The following FYB1 variants were observed in gnomAD, a reference collection of about 807,000 sequenced individuals.
FYB1 encodes FYN binding protein 1, also known as FYN-binding protein 1.
FYB1 carries 41 observed loss-of-function variants against 94.1 expected under a neutral mutation model. The ratio of observed to expected loss-of-function variants is 0.44; its 90% CI spans 0.34 to 0.57. FYB1 has a LOEUF of 0.57. Ranked by LOEUF, FYB1 falls within the 20% of genes least tolerant of loss-of-function variation. The probability of loss-of-function intolerance (pLI) is 0.02; values close to 1 mark genes in which losing one functional copy is unlikely to be tolerated. For missense variants in FYB1, 1,050 were observed against 976.8 expected, an observed-to-expected ratio of 1.07 and a Z score of -1.00; for synonymous variants, 367 against 353.2, an observed-to-expected ratio of 1.04 and a Z score of -0.44.
rs118129410 is a variant in FYB1 at position 39,112,837 on chromosome 5, T to C, written c.2402-2448A>G. On this transcript the variant is annotated intron_variant, in intron 16 of 18. Transcript: ENST00000512982. ...AGAGTTCTAAGGAACAGCCTTCTCC[T>C]GTGTTGAACACTTTGTTGCTGTTGT... Among the ~76,000 whole-genome samples the C allele has an allele frequency of 1.8e-4, 27 of 152,230 alleles. No individual in the cohort carries two copies. The East Asian group carries it at 4.2e-3, about 24-fold the overall frequency.
chr5:39,183,673 C>T (rs1367638322), intron 2 of FYB1, among the ~76,000 whole-genome samples: 1 of 152,196 alleles, frequency 6.6e-6, no homozygotes, highest in Non-Finnish European at 1.5e-5. Flanking sequence ...GTTTCTATAA[C>T]AACTCAAAAC....
At chr5:39,148,932 T>C (rs543219495) in intron 3 of FYB1, among the ~76,000 whole-genome samples, 14 of 152,108 alleles carry the variant, frequency 9.2e-5, no homozygotes, top group Non-Finnish European at 1.5e-5. Context: ...ATATGAAAAA[T>C]TATGATGTTA....
At chr5:39,123,879 G>A (rs1445733088) in intron 13 of FYB1, among the ~76,000 whole-genome samples, 1 of 152,094 alleles carries the variant, frequency 6.6e-6, no homozygotes, top group African/African-American at 2.4e-5. Flanking sequence ...ATTAGATTTA[G>A]AAGAGGCTTA....
At chr5:39,124,221 T>A in intron 13 of FYB1, 32 bp downstream of exon 13, 1 of 1,480,774 alleles carries the variant, frequency 6.8e-7, no homozygotes, top group Non-Finnish European at 9.2e-7. Context: ...GAAATGAAGA[T>A]ACAGAACATA....
At chr5:39,183,907 TCA>T (rs1746494990) in intron 2 of FYB1, among the ~76,000 whole-genome samples, 1 of 152,164 alleles carries the variant, frequency 6.6e-6, no homozygotes, top group Non-Finnish European at 1.5e-5. Context: ...GCATCTAAGC[TCA>T]TTCTGGTATA....
At chr5:39,206,243 C>T (rs1487121050) in intron 1 of FYB1, among the ~76,000 whole-genome samples, 1 of 152,152 alleles carries the variant, frequency 6.6e-6, no homozygotes, top group African/African-American at 2.4e-5. Flanking sequence ...ATATGTCTGG[C>T]AAATCAGTAG....
At chr5:39,171,239 G>A (rs761823599) in intron 2 of FYB1, among the ~76,000 whole-genome samples, 1 of 151,780 alleles carries the variant, frequency 6.6e-6, no homozygotes, top group African/African-American at 2.4e-5. Context: ...CTAGTGAGCC[G>A]AGATCGTGCC....
chr5:39,270,478 T>G, intron 1 of FYB1: 1 of 1,255,496 alleles, frequency 8.0e-7, no homozygotes, highest in Non-Finnish European at 1.1e-6. Flanking sequence ...AGGACCTGAC[T>G]GTGAAGCACC....
At chr5:39,214,791 G>A (rs1274742732) in intron 1 of FYB1, among the ~76,000 whole-genome samples, 1 of 152,182 alleles carries the variant, frequency 6.6e-6, no homozygotes. Context: ...AGCCAGGCAT[G>A]ATGGTGCAAG....
At chr5:39,216,406 A>G (rs1349436414) in intron 1 of FYB1, among the ~76,000 whole-genome samples, 1 of 151,894 alleles carries the variant, frequency 6.6e-6, no homozygotes, top group Non-Finnish European at 1.5e-5. Flanking sequence ...TTTGTTTTTA[A>G]ATTTTATTTT....
chr5:39,207,903 G>A (rs924532593), intron 1 of FYB1, among the ~76,000 whole-genome samples: 1 of 152,168 alleles, frequency 6.6e-6, no homozygotes, highest in Non-Finnish European at 1.5e-5. Flanking sequence ...TCCTATACGA[G>A]AGCCTCCCAC....
intron 2 of FYB1, among the ~76,000 whole-genome samples, chr5:39,197,437 C>T (rs1220406787): frequency 6.6e-6 from 1 of 152,034 alleles, no homozygotes; most frequent in African/African-American, 2.4e-5. Flanking sequence ...TGTTGGAGTT[C>T]ATGTAAAAAC....
chr5:39,128,191 G>A (rs1041444138), intron 10 of FYB1, among the ~76,000 whole-genome samples: 1 of 152,112 alleles, frequency 6.6e-6, no homozygotes, highest in Non-Finnish European at 1.5e-5. Context: ...AGACACAAGA[G>A]AAGAAAAGCA....
At chr5:39,148,637 C>T (rs1396321564) in intron 3 of FYB1, among the ~76,000 whole-genome samples, 1 of 151,790 alleles carries the variant, frequency 6.6e-6, no homozygotes, top group East Asian at 1.9e-4. Context: ...AGTTTCAGAA[C>T]ATTTTAAGCA....
chr5:39,139,004 G>A (rs916461753), intron 5 of FYB1: 5 of 548,706 alleles, frequency 9.1e-6, no homozygotes, highest in African/African-American at 1.9e-5. Flanking sequence ...TAAATCAGAC[G>A]TGTAGTCAGA....
chr5:39,164,250 G>A (rs1372038219), intron 2 of FYB1, among the ~76,000 whole-genome samples: 1 of 152,204 alleles, frequency 6.6e-6, no homozygotes, highest in Non-Finnish European at 1.5e-5. Flanking sequence ...CTAATGCCCT[G>A]TCTCAGTGGG....
rs945174436 is a variant in FYB1 at position 39,243,327 on chromosome 5, A to G, written c.-28+31076T>C. Among the ~76,000 whole-genome samples, 87 of 151,824 alleles carry G rather than the reference A, an allele frequency of 5.7e-4. 1 individual carries two copies. Among genetic ancestry groups the G allele is most frequent in the African/African-American group, 2.0e-3 (84 of 41,120 alleles). ...TGAATTAATTTTTGTATAAGGTGTA[A>G]GGAAGGGATCCAGTTTCAGCTTTCT... On this transcript the variant is annotated intron_variant, in intron 1 of 1. Transcript: ENST00000510188.
intron 4 of FYB1, chr5:39,139,878 T>C (rs907881756): frequency 6.6e-6 from 1 of 152,056 alleles, no homozygotes; most frequent in Non-Finnish European, 1.5e-5. Flanking sequence ...TACACACACA[T>C]AGAGCTGATA....
At chr5:39,130,550 A>G in intron 10 of FYB1, 40 bp downstream of exon 10, 1 of 1,509,886 alleles carries the variant, frequency 6.6e-7, no homozygotes, top group Non-Finnish European at 9.0e-7. Flanking sequence ...CAATATATGT[A>G]TCAATTGTAA....
Sources: allele counts gnomAD v4.1 joint callset (sites outside exome capture counted in the v4.1 genomes callset), GRCh38; gene constraint gnomAD v4.1.1; transcripts MANE v1.5; gene names NCBI Gene and HGNC (gene_info 2026-07-23, HGNC 2026-07-21).